C1orf94: variants seen among roughly 807,000 people sequenced by gnomAD.
C1orf94 encodes uncharacterized protein C1orf94.
Under a neutral mutation model 53.6 loss-of-function variants are expected in C1orf94, and 45 were observed. That is an observed-to-expected ratio of 0.84 (90% CI 0.66 to 1.08). The LOEUF is 1.08. Ranked by LOEUF, C1orf94 falls within the 50% of genes least tolerant of loss-of-function variation. C1orf94 has a pLI of 0.00. For missense variants in C1orf94, 762 were observed against 738.9 expected (o/e 1.03, Z -0.36); for synonymous variants, 304 against 296.1 (o/e 1.03, Z -0.27).
rs754285491 is a variant in C1orf94 at position 34,193,947 on chromosome 1, G to A, written c.321-3278G>A. 1.2e-3 allele frequency among the ~76,000 whole-genome samples: 182 copies of A among 152,278 alleles called. 1 individual carries two copies. Among genetic ancestry groups the A allele is most frequent in the Non-Finnish European group, 4.4e-4 (30 of 68,030 alleles). The stretch of plus-strand genomic sequence containing the variant: ...TCATTGATTCCTGTGGTATGTAGAG[G>A]AGAATGGCCTGGAGGGGTTGGTTCT... On this transcript the variant is annotated intron_variant, in intron 1 of 6. Coordinates refer to ENST00000488417, the MANE Select transcript of C1orf94 (RefSeq NM_001134734.2).
chr1:34,188,636 G>C (rs2148614532), intron 1 of C1orf94, among the ~76,000 whole-genome samples: 1 of 152,306 alleles, frequency 6.6e-6, no homozygotes, highest in Non-Finnish European at 1.5e-5. Flanking sequence ...GTCTCAGTCA[G>C]AGCTGCTAAC....
At chr1:34,201,946 A>G in intron 3 of C1orf94, 138 bp from the exon 4 acceptor site, 1 of 760,034 alleles carries the variant, frequency 1.3e-6, no homozygotes. Flanking sequence ...ATGTACTAGA[A>G]CTTTGAAGAA....
intron 5 of C1orf94, among the ~76,000 whole-genome samples, chr1:34,209,285 A>AACACACACAC (rs59376155): frequency 0.016 from 2,268 of 143,704 alleles, 31 homozygotes; most frequent in African/African-American, 0.043. Context: ...GAGAAATGCA[A>AACACACACAC]ACACACACAC....
intron 4 of C1orf94, among the ~76,000 whole-genome samples, chr1:34,205,029 A>G (rs1642769715): frequency 6.6e-6 from 1 of 152,244 alleles, no homozygotes; most frequent in Admixed American, 6.5e-5. Flanking sequence ...CTCACCGTGT[A>G]AAACTAATTT....
At chr1:34,170,106 G>T (rs1642122608) in intron 1 of C1orf94, among the ~76,000 whole-genome samples, 1 of 152,252 alleles carries the variant, frequency 6.6e-6, no homozygotes, top group Admixed American at 6.5e-5. Flanking sequence ...GTTTGTTACA[G>T]CAGCTAGCAA....
chr1:34,198,209 C>T (rs779803141), intron 2 of C1orf94, among the ~76,000 whole-genome samples: 16 of 152,164 alleles, frequency 1.1e-4, no homozygotes, highest in Non-Finnish European at 1.9e-4. Context: ...TGGAATCAAA[C>T]GGGTGTCCAG....
At chr1:34,214,353 A>C (rs917821655) in intron 6 of C1orf94, among the ~76,000 whole-genome samples, 1 of 152,098 alleles carries the variant, frequency 6.6e-6, no homozygotes, top group Non-Finnish European at 1.5e-5. Context: ...CTAGATTATG[A>C]AAGGCTTTGG....
chr1:34,190,483 T>C (rs1677760), intron 1 of C1orf94, among the ~76,000 whole-genome samples: 20,659 of 152,226 alleles, frequency 0.14, 1,967 homozygotes, highest in African/African-American at 0.27. Flanking sequence ...TCATGGTCTT[T>C]GCACATGCTG....
Position 34,177,703 on chromosome 1 carries a change from T to A in C1orf94, c.-87T>A. ...ACCCCTCCCACACAAATAGAAGGCC[T>A]CTGAACCTAACCACCTTGCTGGAGC... On this transcript the variant is annotated 5_prime_UTR_variant, in exon 1 of 7. Coordinates refer to ENST00000488417, the MANE Select transcript of C1orf94 (RefSeq NM_001134734.2). 5 of 1,247,322 alleles carry A rather than the reference T, an allele frequency of 4.0e-6. No individual in the cohort carries two copies. Among genetic ancestry groups the A allele is most frequent in the East Asian group, 5.3e-5 (2 of 37,828 alleles). 77.3% of individuals were successfully genotyped at this position (1,247,322 alleles called of 1,614,324 possible).
intron 4 of C1orf94, among the ~76,000 whole-genome samples, chr1:34,206,184 C>A (rs1010440804): frequency 1.4e-4 from 22 of 152,204 alleles, no homozygotes; most frequent in African/African-American, 5.3e-4. Flanking sequence ...AAGCAAGGGG[C>A]ACCTTCCTCC....
At chr1:34,195,193 G>A (rs1042639738) in intron 1 of C1orf94, among the ~76,000 whole-genome samples, 5 of 152,126 alleles carry the variant, frequency 3.3e-5, no homozygotes, top group African/African-American at 4.8e-5. Flanking sequence ...GGAGCTGGCC[G>A]GGACCAGCCC....
Position 34,177,552 on chromosome 1 carries a change from G to T in C1orf94, c.-238G>T, listed in dbSNP as rs1642248154. On this transcript the variant is annotated 5_prime_UTR_variant, in exon 1 of 7. Coordinates refer to ENST00000488417, the MANE Select transcript of C1orf94 (RefSeq NM_001134734.2). ...GCATTCCACTGTTCCTAAGCTACTG[G>T]TTTTTGTTGACTTTTAAATATTTTC... is the stretch of plus-strand genomic sequence containing the variant. The T allele has an allele frequency of 2.0e-6, 1 of 489,836 alleles. No homozygotes were observed. Among genetic ancestry groups the T allele is most frequent in the African/African-American group, 1.9e-5 (1 of 52,754 alleles). 30.3% of individuals were successfully genotyped at this position (489,836 alleles called of 1,614,324 possible). A position where few individuals can be genotyped will look rare whatever the true frequency, so the allele number is the denominator to read the frequency against.
intron 6 of C1orf94, among the ~76,000 whole-genome samples, chr1:34,213,018 G>A (rs965843799): frequency 6.6e-6 from 1 of 152,164 alleles, no homozygotes; most frequent in Non-Finnish European, 1.5e-5. Context: ...CTCAAATTGT[G>A]CATGCTGTTG....
chr1:34,174,941 C>T (rs1183387157), upstream of C1orf94, among the ~76,000 whole-genome samples: 2 of 152,150 alleles, frequency 1.3e-5, no homozygotes, highest in African/African-American at 4.8e-5. Context: ...ATGGTAGCCA[C>T]TAGCCATATG....
At chr1:34,214,824 T>A (rs1571352762) in intron 6 of C1orf94, among the ~76,000 whole-genome samples, 1 of 150,540 alleles carries the variant, frequency 6.6e-6, no homozygotes, top group South Asian at 2.1e-4. Context: ...AAGAGGAGGG[T>A]GAGGAGAAGG....
At chr1:34,176,555 A>T (rs975488159), upstream of C1orf94, among the ~76,000 whole-genome samples, 8 of 152,128 alleles carry the variant, frequency 5.3e-5, no homozygotes, top group African/African-American at 1.9e-4. Flanking sequence ...TCTGAGTCTC[A>T]GCTTCCCTTT....
chr1:34,207,260 GGGGT>G (rs1205512855), intron 4 of C1orf94, among the ~76,000 whole-genome samples: 1 of 90,752 alleles, frequency 1.1e-5, no homozygotes, highest in East Asian at 3.3e-4. Context: ...GCAGTTCTGC[GGGGT>G]GTGTGTGTGT....
At chr1:34,169,534 T>C (rs2148607435) in intron 1 of C1orf94, among the ~76,000 whole-genome samples, 1 of 151,466 alleles carries the variant, frequency 6.6e-6, no homozygotes, top group South Asian at 2.1e-4. Flanking sequence ...GGAGGAGCTG[T>C]AGACTTGATG....
intron 1 of C1orf94, among the ~76,000 whole-genome samples, chr1:34,182,991 T>G (rs79202854): frequency 0.025 from 3,834 of 152,376 alleles, 78 homozygotes; most frequent in East Asian, 0.06. Context: ...AGCTGGTTTC[T>G]AGTCTAAGAC....
Sources: gnomAD v4.1 joint callset for allele counts (sites outside exome capture counted in the v4.1 genomes callset) on GRCh38, gnomAD v4.1.1 for gene constraint, MANE v1.5 for transcripts, NCBI Gene and HGNC (gene_info 2026-07-23, HGNC 2026-07-21) for gene names.